Variants in A1CF observed in about 807,000 individuals in gnomAD.
A1CF encodes the protein APOBEC-1 stimulating protein.
In A1CF, 48 loss-of-function variants were observed where a neutral mutation model predicts 68.9. The observed-to-expected ratio is 0.70, with a 90% CI of 0.55 to 0.89. A1CF has a LOEUF of 0.89. A1CF is among the 40% of genes least tolerant of loss of function. The probability of loss-of-function intolerance (pLI) is 0.00; values close to 1 mark genes in which losing one functional copy is unlikely to be tolerated. For synonymous variants in A1CF, 272 were observed against 260.4 expected (o/e 1.04, Z -0.43); for missense variants, 653 against 718.9 (o/e 0.91, Z 1.05).
intron 1 of A1CF, among the ~76,000 whole-genome samples, chr10:50,880,706 T>G (rs935687651): frequency 6.6e-6 from 1 of 152,182 alleles, no homozygotes; most frequent in African/African-American, 2.4e-5. Flanking sequence ...GATGGAAAGA[T>G]AAGCACTAAG....
Position 50,812,514 on chromosome 10 carries a change from T to G in A1CF, c.1324-1338A>C, listed in dbSNP as rs1459537855. On this transcript the variant is annotated intron_variant, in intron 10 of 12. Transcript: ENST00000373997. ...AAAATGAAGAGATCTCTTTTCATAC[T>G]ATTGCAGCTCTCGGAACTATTATTA... Among the ~76,000 whole-genome samples the G allele has an allele frequency of 2.0e-5, 3 of 152,256 alleles. No individual in the cohort carries two copies. In the East Asian group the frequency reaches 5.8e-4, roughly 29 times the overall value.
At chr10:50,869,396 G>T (rs983987778) in intron 1 of A1CF, among the ~76,000 whole-genome samples, 1 of 151,970 alleles carries the variant, frequency 6.6e-6, no homozygotes, top group South Asian at 2.1e-4. Context: ...TTTCTCATTG[G>T]TTATTCTCCT....
rs538675115 is a variant in A1CF at position 50,844,196 on chromosome 10, T to G, written c.100-74A>C. On this transcript the variant is annotated intron_variant, in intron 3 of 12. Transcript: ENST00000373997. ...TTAATTCAATTTCCCTGAGTATTTTTCAAAATAATTTCACATTAATGAATG... is the reference window on the plus strand; with the variant it reads ...TTAATTCAATTTCCCTGAGTATTTTGCAAAATAATTTCACATTAATGAATG... The G allele has an allele frequency of 2.3e-5, 36 of 1,563,498 alleles. No individual in the cohort carries two copies. The South Asian group carries it at 3.2e-4, about 14-fold the overall frequency.
intron 3 of A1CF, among the ~76,000 whole-genome samples, chr10:50,847,773 C>A (rs1840064348): frequency 6.6e-6 from 1 of 152,114 alleles, no homozygotes; most frequent in Non-Finnish European, 1.5e-5. Context: ...GTTTCCCTTA[C>A]TAAAATTGAG....
rs527371634 is a variant in A1CF, at chr10:50,882,206, G to A, written c.-94+3375C>T. ...TAATCCCAGCACTTTGGGAGGCTGA[G>A]GCAGGCAGATCATGAGTTCAGGAGT... is the stretch of plus-strand genomic sequence containing the variant. On this transcript the variant is annotated intron_variant, in intron 1 of 12. Transcript: ENST00000373997. Among the ~76,000 whole-genome samples, 5 of 152,296 alleles carry A rather than the reference G, an allele frequency of 3.3e-5. No homozygotes were observed. In the South Asian group the frequency reaches 1.0e-3, roughly 32 times the overall value.
chr10:50,819,228 A>T (rs1021163574), intron 8 of A1CF, among the ~76,000 whole-genome samples: 1 of 152,024 alleles, frequency 6.6e-6, no homozygotes, highest in Non-Finnish European at 1.5e-5. Flanking sequence ...TGGGATCAAG[A>T]GATCCTCCCA....
intron 1 of A1CF, among the ~76,000 whole-genome samples, chr10:50,865,657 C>T (rs1161821861): frequency 6.6e-6 from 1 of 152,142 alleles, no homozygotes; most frequent in Non-Finnish European, 1.5e-5. Flanking sequence ...TCTTACACTT[C>T]CAGTTTCTCT....
chr10:50,862,553 CTGAT>C (rs1840795230), intron 2 of A1CF, among the ~76,000 whole-genome samples: 1 of 152,118 alleles, frequency 6.6e-6, no homozygotes, highest in East Asian at 1.9e-4. Context: ...TTTGCATTCA[CTGAT>C]TGTTTGAAGA....
chr10:50,810,059 T>G lies in A1CF; in HGVS notation c.1461-17A>C, dbSNP rs775407412. 3 of 1,613,712 alleles carry G rather than the reference T, an allele frequency of 1.9e-6. No individual in the cohort carries two copies. Among genetic ancestry groups the G allele is most frequent in the Non-Finnish European group, 2.5e-6 (3 of 1,179,770 alleles). On this transcript the variant is annotated splice_polypyrimidine_tract_variant and intron_variant, in intron 11 of 12. Coordinates refer to ENST00000373997, the MANE Select transcript of A1CF (RefSeq NM_014576.4). ...AAAGGGTGGCTGGAAAGCAAGTCAGTCAGGGTAGGCATTTTTAAACTGGTA... is the reference window on the plus strand; with the variant it reads ...AAAGGGTGGCTGGAAAGCAAGTCAGGCAGGGTAGGCATTTTTAAACTGGTA...
chr10:50,871,833 A>G (rs1841282484), intron 1 of A1CF, among the ~76,000 whole-genome samples: 1 of 152,098 alleles, frequency 6.6e-6, no homozygotes, highest in Non-Finnish European at 1.5e-5. Context: ...TAAATATAGT[A>G]GAGTGTTTTT....
chr10:50,873,456 T>A (rs1260953679), intron 1 of A1CF, among the ~76,000 whole-genome samples: 1 of 152,312 alleles, frequency 6.6e-6, no homozygotes, highest in East Asian at 1.9e-4. Context: ...ACACAGGGAA[T>A]GAGTAAGGTC....
At chr10:50,817,797 C>A (rs893002278) in intron 8 of A1CF, among the ~76,000 whole-genome samples, 28 of 152,160 alleles carry the variant, frequency 1.8e-4, no homozygotes, top group African/African-American at 6.0e-4. Flanking sequence ...TCCTTTGTCC[C>A]ATCCAAAAGC....
intron 3 of A1CF, among the ~76,000 whole-genome samples, chr10:50,856,453 T>C (rs1203807654): frequency 6.6e-6 from 1 of 152,108 alleles, no homozygotes. Flanking sequence ...CACTTCTGAT[T>C]CAACAGTCAC....
intron 5 of A1CF, among the ~76,000 whole-genome samples, chr10:50,838,807 T>C (rs1024270441): frequency 6.6e-6 from 1 of 152,222 alleles, no homozygotes; most frequent in African/African-American, 2.4e-5. Context: ...GGGGTGTTTA[T>C]TCTGGCTTGT....
intron 9 of A1CF, among the ~76,000 whole-genome samples, chr10:50,815,587 C>T (rs1050970673): frequency 1.3e-5 from 2 of 152,182 alleles, no homozygotes; most frequent in Non-Finnish European, 2.9e-5. Context: ...CAAATACACA[C>T]ATGCCTTGAA....
At chr10:50,881,305 CT>C (rs1841764460) in intron 1 of A1CF, among the ~76,000 whole-genome samples, 1 of 152,030 alleles carries the variant, frequency 6.6e-6, no homozygotes, top group Non-Finnish European at 1.5e-5. Flanking sequence ...AGCCTCTTAA[CT>C]GATAGGTACA....
At position 50,816,206 on chromosome 10, in the gene A1CF, C is replaced by T. The variant is rs770050448; in HGVS notation, c.941G>A (p.Arg314Gln). The change falls in exon 9 of 13, where the codon CGA (arginine) becomes CAA (glutamine). Residue 314 changes from arginine to glutamine, a missense_variant. By Grantham distance (43) the Arg-to-Gln change is conservative. Transcript: ENST00000373997. Reference sequence around the variant, plus strand: ...CATGGTGCCCCTTCCACCTGTGCCTCGGGTATACCTAACATAACTGTCCTT... The same window carrying T: ...CATGGTGCCCCTTCCACCTGTGCCTTGGGTATACCTAACATAACTGTCCTT... Reference protein sequence around the residue: ...VDKDSYVRYTRGTGGRGTMLQ... With the variant: ...VDKDSYVRYTQGTGGRGTMLQ... 40 of 1,613,602 alleles carry T rather than the reference C, an allele frequency of 2.5e-5. No homozygotes were observed. The highest frequency in any genetic ancestry group is 3.0e-5 in the Non-Finnish European group (35 of 1,179,832).
chr10:50,817,342 C>T (rs1288701074), intron 8 of A1CF, among the ~76,000 whole-genome samples: 1 of 152,038 alleles, frequency 6.6e-6, no homozygotes, highest in Admixed American at 6.5e-5. Context: ...GAGTGTGCAC[C>T]CTTACCCTCT....
chr10:50,852,141 T>C (rs1840275734), intron 3 of A1CF, among the ~76,000 whole-genome samples: 1 of 152,242 alleles, frequency 6.6e-6, no homozygotes. Flanking sequence ...TTTAAGCTGA[T>C]AAAATAGAAA....
Sources: allele counts gnomAD v4.1 joint callset (sites outside exome capture counted in the v4.1 genomes callset), GRCh38; gene constraint gnomAD v4.1.1; transcripts MANE v1.5; gene names NCBI Gene and HGNC (gene_info 2026-07-23, HGNC 2026-07-21).